Variants in IGSF5 observed in about 807,000 individuals in gnomAD.
IGSF5 encodes immunoglobulin superfamily member 5.
IGSF5 carries 41 observed loss-of-function variants against 39.4 expected under a neutral mutation model. The observed-to-expected ratio is 1.04, with a 90% CI of 0.81 to 1.35. The LOEUF is 1.35. Among genes scored for constraint, IGSF5 ranks in the 40% most tolerant of loss-of-function variants. The pLI, the probability that IGSF5 is intolerant of heterozygous loss-of-function variation, is 0.00. For synonymous variants in IGSF5, 183 were observed against 175.3 expected (o/e 1.04, Z -0.34); for missense variants, 487 against 494.6 (o/e 0.98, Z 0.15).
chr21:39,777,808 C>T (rs2080148609), intron 4 of IGSF5, among the ~76,000 whole-genome samples: 1 of 152,124 alleles, frequency 6.6e-6, no homozygotes. Context: ...TTAACATTGA[C>T]ACAGGAATAG....
chr21:39,776,262 G>T (rs2080140195), intron 4 of IGSF5, among the ~76,000 whole-genome samples: 1 of 151,876 alleles, frequency 6.6e-6, no homozygotes, highest in South Asian at 2.1e-4. Flanking sequence ...AAATAAGAAA[G>T]GTCTATCTTT....
chr21:39,741,647 A>C (rs955035920), upstream of IGSF5, among the ~76,000 whole-genome samples: 2 of 152,278 alleles, frequency 1.3e-5, no homozygotes, highest in South Asian at 4.1e-4. Context: ...GGCCAAATAG[A>C]TGGGGACTAT....
chr21:39,753,583 C>A (rs992918036), intron 2 of IGSF5, among the ~76,000 whole-genome samples: 8 of 152,050 alleles, frequency 5.3e-5, no homozygotes, highest in African/African-American at 1.9e-4. Flanking sequence ...TATTGAAGTC[C>A]CCCACTATTA....
chr21:39,787,407 A>T (rs2086928774), intron 5 of IGSF5, among the ~76,000 whole-genome samples: 1 of 152,210 alleles, frequency 6.6e-6, no homozygotes, highest in African/African-American at 2.4e-5. Flanking sequence ...TGGACAGTAA[A>T]GCTCGGTTGT....
chr21:39,714,095 C>T, the IGSF5 span, among the ~76,000 whole-genome samples: 2 of 152,238 alleles, frequency 1.3e-5, no homozygotes, highest in Non-Finnish European at 1.5e-5. Context: ...TGCTCCTACT[C>T]CTCTCTGCTG....
At position 39,767,865 on chromosome 21, in the gene IGSF5, G is replaced by T. The variant is rs547123506; in HGVS notation, c.418+2013G>T. 1.1e-3 allele frequency among the ~76,000 whole-genome samples: 166 copies of T among 152,192 alleles called. 1 individual carries two copies. Among genetic ancestry groups the T allele is most frequent in the Non-Finnish European group, 9.1e-4 (62 of 68,024 alleles). On this transcript the variant is annotated intron_variant, in intron 3 of 8. Transcript: ENST00000380588. Reference sequence around the variant, plus strand: ...ATTTCATGGAGAAGGTGCCATTGGAGATGTGCCTTCCAGGTCTGTAGATGG... The same window carrying T: ...ATTTCATGGAGAAGGTGCCATTGGATATGTGCCTTCCAGGTCTGTAGATGG...
intron 3 of IGSF5, among the ~76,000 whole-genome samples, chr21:39,769,636 G>A (rs530176860): frequency 6.6e-6 from 1 of 152,184 alleles, no homozygotes; most frequent in Non-Finnish European, 1.5e-5. Context: ...TATTGCAACA[G>A]ACTGAATGAA....
chr21:39,764,190 C>A lies in IGSF5; in HGVS notation c.101-1345C>A, dbSNP rs552408370. On this transcript the variant is annotated intron_variant, in intron 2 of 8. Coordinates refer to ENST00000380588, the MANE Select transcript of IGSF5 (RefSeq NM_001080444.2). ...GGGGACTGTTCCTGGTGGCGGCTTA[C>A]TCCTTCCCTTTCACGTGTTGTTCTT... is the stretch of plus-strand genomic sequence containing the variant. Among the ~76,000 whole-genome samples the A allele has an allele frequency of 7.9e-5, 12 of 152,274 alleles. 1 individual carries two copies. The highest frequency in any genetic ancestry group is 2.6e-4 in the Admixed American group (4 of 15,290).
At chr21:39,751,047 G>T in intron 2 of IGSF5, 1 of 153,416 alleles carries the variant, frequency 6.5e-6, no homozygotes, top group Non-Finnish European at 1.5e-5. Context: ...GTGTTTGGCT[G>T]CTGTTTGGAG....
At chr21:39,752,456 A>G (rs960368304) in intron 2 of IGSF5, among the ~76,000 whole-genome samples, 4 of 152,160 alleles carry the variant, frequency 2.6e-5, no homozygotes, top group Non-Finnish European at 5.9e-5. Flanking sequence ...TGCAATTGCA[A>G]TTGTGCTGCT....
chr21:39,787,771 G>GA (rs1346201704), intron 5 of IGSF5, among the ~76,000 whole-genome samples: 1 of 152,000 alleles, frequency 6.6e-6, no homozygotes, highest in Non-Finnish European at 1.5e-5. Flanking sequence ...TTTGGTGCTG[G>GA]CACATGGTAA....
upstream of IGSF5, among the ~76,000 whole-genome samples, chr21:39,741,089 GTT>G (rs368054506): frequency 2.0e-5 from 3 of 147,842 alleles, no homozygotes; most frequent in South Asian, 2.2e-4. Flanking sequence ...AGCTATTCAT[GTT>G]TTTTTTTTTC....
chr21:39,749,137 G>A (rs1406828142), intron 2 of IGSF5, among the ~76,000 whole-genome samples: 3 of 152,032 alleles, frequency 2.0e-5, no homozygotes, highest in Non-Finnish European at 2.9e-5. Context: ...TATATCTAAC[G>A]TTGTAGGGGA....
chr21:39,739,145 A>G, the IGSF5 span, among the ~76,000 whole-genome samples: 37,787 of 151,640 alleles, frequency 0.25, 5,581 homozygotes, highest in African/African-American at 0.41. Context: ...GGTCAGGCTG[A>G]TCTTGAACTC....
intron 8 of IGSF5, among the ~76,000 whole-genome samples, chr21:39,794,421 G>A (rs557417276): frequency 1.2e-4 from 18 of 152,288 alleles, no homozygotes; most frequent in South Asian, 1.0e-3. Context: ...GCAATGTTTC[G>A]ATGGGAGCTG....
the IGSF5 span, among the ~76,000 whole-genome samples, chr21:39,732,014 C>T: frequency 6.6e-6 from 1 of 152,046 alleles, no homozygotes. Context: ...GTGAGGAAGC[C>T]CAAGCAGCCC....
At chr21:39,773,213 G>A (rs753014949) in intron 4 of IGSF5, among the ~76,000 whole-genome samples, 28 of 152,056 alleles carry the variant, frequency 1.8e-4, no homozygotes, top group Non-Finnish European at 3.5e-4. Flanking sequence ...CCACTTATAA[G>A]TGAGAACATG....
At chr21:39,712,351 TC>T in the IGSF5 span, among the ~76,000 whole-genome samples, 1 of 152,126 alleles carries the variant, frequency 6.6e-6, no homozygotes, top group Non-Finnish European at 1.5e-5. Context: ...CAAAGGCAAG[TC>T]GTGCAGGATT....
In IGSF5 at chr21:39,801,264, G is replaced by T. The variant is rs1423182645; in HGVS notation, c.1131G>T (p.Arg377=). ...CTTTTTTCCTCCTCTGTTGCCAGCG[G>T]GCTGATCAACGTCCACCCAGGCCAG... ...RNSSCGPPHQ[R]ADQRPPRPAS... The change falls in exon 9 of 9, where the codon CGG becomes CGT. Residue 377 remains arginine, a splice_region_variant and synonymous_variant. Transcript: ENST00000380588. 13 of 1,613,658 alleles carry T rather than the reference G, an allele frequency of 8.1e-6. No individual in the cohort carries two copies. The highest frequency in any genetic ancestry group is 1.1e-5 in the Non-Finnish European group (13 of 1,179,780).
Sources: gnomAD v4.1 joint callset for allele counts (sites outside exome capture counted in the v4.1 genomes callset) on GRCh38, gnomAD v4.1.1 for gene constraint, MANE v1.5 for transcripts, NCBI Gene and HGNC (gene_info 2026-07-23, HGNC 2026-07-21) for gene names.